PHLPP1: variants seen among roughly 807,000 people sequenced by gnomAD.
PHLPP1 encodes the protein PH domain leucine-rich repeat-containing protein phosphatase 1.
A neutral mutation model predicts 117.2 loss-of-function variants in PHLPP1; 42 were observed. The observed-to-expected ratio is 0.36, with a 90% confidence interval of 0.28 to 0.46. The LOEUF is 0.46. Among genes scored for constraint, PHLPP1 ranks in the 20% least tolerant of loss-of-function variants. The probability of loss-of-function intolerance (pLI) is 1.00; values close to 1 mark genes in which losing one functional copy is unlikely to be tolerated. For synonymous variants in PHLPP1, 1,042 were observed against 970.7 expected (o/e 1.07, Z -1.37); for missense variants, 2,084 against 2,241.9 (o/e 0.93, Z 1.42).
chr18:62,763,545 G>C (rs1400989811), intron 1 of PHLPP1, among the ~76,000 whole-genome samples: 1 of 152,070 alleles, frequency 6.6e-6, no homozygotes, highest in Non-Finnish European at 1.5e-5. Context: ...TCGCACCCTT[G>C]TTTTGGGATG....
chr18:62,973,974 T>G (rs1302858568), intron 15 of PHLPP1, among the ~76,000 whole-genome samples: 1 of 152,204 alleles, frequency 6.6e-6, no homozygotes, highest in Non-Finnish European at 1.5e-5. Context: ...TTTCCTGTTT[T>G]TACCACCCTT....
At chr18:62,879,655 A>G (rs1293069696) in intron 4 of PHLPP1, among the ~76,000 whole-genome samples, 3 of 152,126 alleles carry the variant, frequency 2.0e-5, no homozygotes, top group Non-Finnish European at 4.4e-5. Context: ...TGATCTGCCC[A>G]CCTTGGCCTC....
At chr18:62,830,279 C>T (rs890783613) in intron 2 of PHLPP1, 48 bp downstream of exon 2, 9 of 1,476,982 alleles carry the variant, frequency 6.1e-6, no homozygotes, top group East Asian at 5.0e-5. Flanking sequence ...CTCACTCTGT[C>T]ACCCAGGCTC....
intron 1 of PHLPP1, among the ~76,000 whole-genome samples, chr18:62,726,328 T>A (rs1429950383): frequency 6.6e-6 from 1 of 152,004 alleles, no homozygotes; most frequent in Non-Finnish European, 1.5e-5. Flanking sequence ...CTGCTTTTTT[T>A]TTTTGGGGGG....
At chr18:62,794,297 T>C (rs1470110856) in intron 1 of PHLPP1, among the ~76,000 whole-genome samples, 1 of 152,138 alleles carries the variant, frequency 6.6e-6, no homozygotes, top group African/African-American at 2.4e-5. Flanking sequence ...AATTAGTATA[T>C]TAGTCTGCGA....
At chr18:62,944,839 G>A (rs1910231102) in intron 11 of PHLPP1, among the ~76,000 whole-genome samples, 1 of 151,990 alleles carries the variant, frequency 6.6e-6, no homozygotes, top group Non-Finnish European at 1.5e-5. Context: ...TTATTGCCAG[G>A]GTAACTTAAT....
At chr18:62,875,550 A>G (rs1410761802) in intron 4 of PHLPP1, among the ~76,000 whole-genome samples, 3 of 152,036 alleles carry the variant, frequency 2.0e-5, no homozygotes, top group African/African-American at 7.2e-5. Context: ...GCAGGAATCA[A>G]GTCCCCCTCA....
chr18:62,723,894 A>G (rs915577574), intron 1 of PHLPP1, among the ~76,000 whole-genome samples: 1 of 152,192 alleles, frequency 6.6e-6, no homozygotes, highest in Non-Finnish European at 1.5e-5. Flanking sequence ...GAGCGAGTCC[A>G]AGATCTCTTC....
chr18:62,963,703 A>G (rs573370884), intron 14 of PHLPP1, among the ~76,000 whole-genome samples: 3 of 152,328 alleles, frequency 2.0e-5, no homozygotes, highest in East Asian at 1.9e-4. Flanking sequence ...CTAGGATACA[A>G]GGTAACTGAC....
At chr18:62,727,222 T>G (rs895740571) in intron 1 of PHLPP1, among the ~76,000 whole-genome samples, 3 of 140,936 alleles carry the variant, frequency 2.1e-5, no homozygotes, top group African/African-American at 8.3e-5. Context: ...AGTGATACTC[T>G]GTCTCAAAAA....
intron 12 of PHLPP1, 146 bp downstream of exon 12, chr18:62,945,417 A>G: frequency 1.6e-6 from 1 of 611,042 alleles, no homozygotes; most frequent in Non-Finnish European, 2.7e-6. Context: ...CTTCCTAACC[A>G]ATGGGCTACA....
intron 6 of PHLPP1, among the ~76,000 whole-genome samples, chr18:62,901,995 T>C (rs933350653): frequency 3.3e-5 from 5 of 152,164 alleles, no homozygotes; most frequent in Non-Finnish European, 5.9e-5. Flanking sequence ...GGAAAATAGA[T>C]GGTTTTTGTT....
intron 1 of PHLPP1, chr18:62,731,371 G>A (rs1203685329): frequency 1.3e-5 from 2 of 152,098 alleles, no homozygotes; most frequent in East Asian, 3.8e-4. Flanking sequence ...ATCTGTGATC[G>A]GTGATTTTTG....
At chr18:62,958,857 A>T in intron 13 of PHLPP1, 98 bp downstream of exon 13, 1 of 1,364,286 alleles carries the variant, frequency 7.3e-7, no homozygotes, top group South Asian at 1.3e-5. Flanking sequence ...AGCATCATTG[A>T]CTTGTTAGCT....
intron 9 of PHLPP1, among the ~76,000 whole-genome samples, chr18:62,916,220 G>A (rs1359559884): frequency 6.6e-6 from 1 of 151,926 alleles, no homozygotes; most frequent in Non-Finnish European, 1.5e-5. Flanking sequence ...AGTGCTATAA[G>A]TGTAAAATGT....
At chr18:62,935,842 A>G (rs1350189158) in intron 10 of PHLPP1, among the ~76,000 whole-genome samples, 1 of 152,058 alleles carries the variant, frequency 6.6e-6, no homozygotes, top group Non-Finnish European at 1.5e-5. Context: ...CGTCTCTACT[A>G]AAAATACAAA....
chr18:62,947,854 T>G (rs1438940098), intron 12 of PHLPP1, among the ~76,000 whole-genome samples: 1 of 151,624 alleles, frequency 6.6e-6, no homozygotes, highest in East Asian at 1.9e-4. Flanking sequence ...GGTGAAACTC[T>G]GTCTCTACTA....
chr18:62,920,294 A>G (rs550997502), intron 10 of PHLPP1, among the ~76,000 whole-genome samples, 180 bp downstream of exon 10: 8 of 152,318 alleles, frequency 5.3e-5, no homozygotes, highest in South Asian at 4.1e-4. Context: ...GTCAGGAGCA[A>G]CCTATAGATT....
intron 3 of PHLPP1, among the ~76,000 whole-genome samples, chr18:62,851,837 T>G (rs1915358379): frequency 6.6e-6 from 1 of 152,124 alleles, no homozygotes; most frequent in Admixed American, 6.6e-5. Context: ...TGTCATTACC[T>G]CGAATCATTT....
Sources: allele counts gnomAD v4.1 joint callset (sites outside exome capture counted in the v4.1 genomes callset), GRCh38; gene constraint gnomAD v4.1.1; transcripts MANE v1.5; gene names NCBI Gene and HGNC (gene_info 2026-07-23, HGNC 2026-07-21).